ATRNL1: variants seen among roughly 807,000 people sequenced by gnomAD.
The protein encoded by ATRNL1 is attractin like 1.
In ATRNL1, 95 loss-of-function variants were observed where a neutral mutation model predicts 182.7. The ratio of observed to expected loss-of-function variants is 0.52; its 90% CI spans 0.44 to 0.62. ATRNL1 has a LOEUF of 0.62. Ranked by LOEUF, ATRNL1 falls within the 20% of genes least tolerant of loss-of-function variation. The probability of loss-of-function intolerance (pLI) is 0.00; values close to 1 mark genes in which losing one functional copy is unlikely to be tolerated. For synonymous variants in ATRNL1, 576 were observed against 568.3 expected, an observed-to-expected ratio of 1.01 and a Z score of -0.19; for missense variants, 1,471 against 1,679.5, an observed-to-expected ratio of 0.88 and a Z score of 2.17.
At chr10:115,692,048 T>G (rs1290733839) in intron 26 of ATRNL1, among the ~76,000 whole-genome samples, 2 of 152,166 alleles carry the variant, frequency 1.3e-5, no homozygotes, top group Non-Finnish European at 2.9e-5. Flanking sequence ...AAGCCAAATA[T>G]AAAATTCTTA....
intron 26 of ATRNL1, among the ~76,000 whole-genome samples, chr10:115,686,810 A>G (rs1946232233): frequency 6.6e-6 from 1 of 152,038 alleles, no homozygotes; most frequent in African/African-American, 2.4e-5. Context: ...CTTGACTGCT[A>G]CATTTGGAGA....
At chr10:115,737,492 G>A (rs2532709) in intron 27 of ATRNL1, among the ~76,000 whole-genome samples, 61,800 of 151,802 alleles carry the variant, frequency 0.41, 12,942 homozygotes, top group South Asian at 0.48. Context: ...GAAGTGGGAA[G>A]GCCCTACTTA....
chr10:115,871,623 C>G (rs1467628493), intron 28 of ATRNL1, among the ~76,000 whole-genome samples: 1 of 151,794 alleles, frequency 6.6e-6, no homozygotes, highest in African/African-American at 2.4e-5. Flanking sequence ...ACTGCTTGAG[C>G]AGCAGAAATT....
chr10:115,505,032 G>A (rs11197251), intron 24 of ATRNL1, among the ~76,000 whole-genome samples: 2,130 of 152,120 alleles, frequency 0.014, 45 homozygotes, highest in African/African-American at 0.049. Flanking sequence ...GACAACTCAG[G>A]TGAAAATCAA....
chr10:115,735,306 C>G (rs566737192), intron 27 of ATRNL1, among the ~76,000 whole-genome samples: 1 of 152,074 alleles, frequency 6.6e-6, no homozygotes, highest in African/African-American at 2.4e-5. Flanking sequence ...TTAAAATATA[C>G]TTTATCAAGC....
At chr10:115,639,843 G>T (rs1373797613) in intron 26 of ATRNL1, among the ~76,000 whole-genome samples, 1 of 151,660 alleles carries the variant, frequency 6.6e-6, no homozygotes, top group Non-Finnish European at 1.5e-5. Context: ...TGAGATACAT[G>T]TGCAGAACGT....
intron 26 of ATRNL1, among the ~76,000 whole-genome samples, chr10:115,602,810 C>T (rs1854246): frequency 0.3 from 45,153 of 148,080 alleles, 7,891 homozygotes; most frequent in East Asian, 0.68. Flanking sequence ...GCAGAGATCG[C>T]GCCACTGCAC....
intron 26 of ATRNL1, among the ~76,000 whole-genome samples, chr10:115,691,229 C>T (rs1555048079): frequency 1.3e-5 from 2 of 152,140 alleles, no homozygotes; most frequent in African/African-American, 4.8e-5. Context: ...TACCAATTTA[C>T]ATTCCCACAA....
At chr10:115,319,495 C>G (rs1854474023) in intron 18 of ATRNL1, among the ~76,000 whole-genome samples, 2 of 152,080 alleles carry the variant, frequency 1.3e-5, no homozygotes, top group South Asian at 4.1e-4. Flanking sequence ...GTTAAAGTGT[C>G]CCACTATTAT....
At chr10:115,547,266 AT>A (rs1565154654) in intron 25 of ATRNL1, among the ~76,000 whole-genome samples, 125 of 102,490 alleles carry the variant, frequency 1.2e-3, no homozygotes, top group African/African-American at 5.2e-3. Flanking sequence ...AAAAAAAAAT[AT>A]ATATATATAT....
rs77122670 is a variant in ATRNL1, at chr10:115,425,890, A to G, written c.3270-360A>G. Among the ~76,000 whole-genome samples the G allele has an allele frequency of 7.9e-4, 120 of 152,194 alleles. 1 individual carries two copies. In the East Asian group the frequency reaches 0.022, roughly 28 times the overall value. ...GAATTCCCTGAATTTTCTTCTACCT[A>G]AAAATATCTCTGTATCTTATTTCAG... On this transcript the variant is annotated intron_variant, in intron 20 of 28. Transcript: ENST00000355044.
chr10:115,523,562 G>C (rs1554985804), intron 25 of ATRNL1, among the ~76,000 whole-genome samples: 3 of 152,200 alleles, frequency 2.0e-5, no homozygotes, highest in African/African-American at 7.2e-5. Context: ...AACATAAGCT[G>C]TTAAAAGCAG....
At chr10:115,745,216 C>T (rs922619128) in intron 27 of ATRNL1, among the ~76,000 whole-genome samples, 7 of 152,058 alleles carry the variant, frequency 4.6e-5, no homozygotes, top group Admixed American at 3.9e-4. Context: ...CTCCGCCTCC[C>T]GGGGAACCAT....
chr10:115,623,238 C>T (rs1464737752), intron 26 of ATRNL1, among the ~76,000 whole-genome samples: 5 of 152,096 alleles, frequency 3.3e-5, no homozygotes, highest in African/African-American at 9.7e-5. Flanking sequence ...CTATATATGA[C>T]ACCGAAAAGC....
chr10:115,178,295 GACA>G (rs1847614797), intron 8 of ATRNL1, among the ~76,000 whole-genome samples: 1 of 152,016 alleles, frequency 6.6e-6, no homozygotes. Flanking sequence ...GTGTGACAGT[GACA>G]ACAAGACTTA....
At chr10:115,520,423 C>A (rs1850867125) in intron 25 of ATRNL1, among the ~76,000 whole-genome samples, 1 of 152,170 alleles carries the variant, frequency 6.6e-6, no homozygotes, top group South Asian at 2.1e-4. Flanking sequence ...GTCTTCATCG[C>A]ATCTATGCAA....
Position 115,506,870 on chromosome 10 carries a change from A to C in ATRNL1, c.3655-12393A>C, listed in dbSNP as rs1393302013. 2.0e-5 allele frequency among the ~76,000 whole-genome samples: 3 copies of C among 152,030 alleles called. No homozygotes were observed. The East Asian group carries it at 5.8e-4, about 29-fold the overall frequency. On this transcript the variant is annotated intron_variant, in intron 24 of 28. Transcript: ENST00000355044. ...TTGCCTTGTGGTTACCAAAATGTGAACCCCCAAAATCTGAGACAGGTCTCA... is the reference window on the plus strand; with the variant it reads ...TTGCCTTGTGGTTACCAAAATGTGACCCCCCAAAATCTGAGACAGGTCTCA...
intron 19 of ATRNL1, among the ~76,000 whole-genome samples, chr10:115,335,953 G>A (rs564432634): frequency 1.3e-5 from 2 of 152,274 alleles, no homozygotes; most frequent in Non-Finnish European, 1.5e-5. Flanking sequence ...GTGAATGGAA[G>A]TTTTGTGTTA....
At chr10:115,660,072 G>A (rs1386026929) in intron 26 of ATRNL1, among the ~76,000 whole-genome samples, 1 of 152,126 alleles carries the variant, frequency 6.6e-6, no homozygotes, top group Non-Finnish European at 1.5e-5. Context: ...TAGAGCATAG[G>A]TAAGAGGAGA....
Sources: allele counts gnomAD v4.1 joint callset (sites outside exome capture counted in the v4.1 genomes callset), GRCh38; gene constraint gnomAD v4.1.1; transcripts MANE v1.5; gene names NCBI Gene and HGNC (gene_info 2026-07-23, HGNC 2026-07-21).